ADAMTS20: variants seen among roughly 807,000 people sequenced by gnomAD.
The protein encoded by ADAMTS20 is ADAM metallopeptidase with thrombospondin type 1 motif 20.
A neutral mutation model predicts 260.1 loss-of-function variants in ADAMTS20; 225 were observed. The observed-to-expected ratio is 0.87, with a 90% CI of 0.78 to 0.97. The LOEUF is 0.97. Ranked by LOEUF, ADAMTS20 falls within the 50% of genes least tolerant of loss-of-function variation. The probability of loss-of-function intolerance (pLI) is 0.00; values close to 1 mark genes in which losing one functional copy is unlikely to be tolerated. For missense variants in ADAMTS20, 2,400 were observed against 2,337.7 expected, an observed-to-expected ratio of 1.03 and a Z score of -0.55; for synonymous variants, 802 against 769.5, an observed-to-expected ratio of 1.04 and a Z score of -0.70.
Position 43,376,225 on chromosome 12 carries a change from T to C in ADAMTS20, c.5220+11A>G, listed in dbSNP as rs771925620. 5 of 1,537,446 alleles carry C rather than the reference T, an allele frequency of 3.3e-6. No homozygotes were observed. The highest frequency in any genetic ancestry group is 4.4e-6 in the Non-Finnish European group (5 of 1,139,206). On this transcript the variant is annotated intron_variant, in intron 34 of 38. Transcript: ENST00000389420. ...AATGTTAAAATAAAAAAGGAACTGT[T>C]TTCATAATACCTTTATTATTCTTCC...
At chr12:43,419,875 T>C (rs1166984172) in intron 28 of ADAMTS20, among the ~76,000 whole-genome samples, 1 of 152,176 alleles carries the variant, frequency 6.6e-6, no homozygotes, top group African/African-American at 2.4e-5. Context: ...CTGAACATCA[T>C]ATCTAGGACA....
intron 21 of ADAMTS20, among the ~76,000 whole-genome samples, chr12:43,432,041 C>A (rs1941454660): frequency 6.6e-6 from 1 of 151,954 alleles, no homozygotes; most frequent in Non-Finnish European, 1.5e-5. Context: ...CCACATCCAG[C>A]TAAATTTCAC....
intron 29 of ADAMTS20, among the ~76,000 whole-genome samples, chr12:43,396,829 T>C (rs1433158695): frequency 3.3e-5 from 5 of 152,124 alleles, no homozygotes; most frequent in Non-Finnish European, 7.3e-5. Context: ...GTGTCTCTCA[T>C]GAATACCAAC....
At chr12:43,403,301 A>G (rs942106135) in intron 28 of ADAMTS20, among the ~76,000 whole-genome samples, 2 of 152,116 alleles carry the variant, frequency 1.3e-5, no homozygotes, top group South Asian at 2.1e-4. Context: ...AGTCTTCTTG[A>G]TTAATTCTGG....
At chr12:43,442,746 C>T (rs528007678) in intron 16 of ADAMTS20, among the ~76,000 whole-genome samples, 2 of 152,224 alleles carry the variant, frequency 1.3e-5, no homozygotes, top group African/African-American at 4.8e-5. Flanking sequence ...ATGTAAAAGG[C>T]TAATAAATCA....
At position 43,467,957 on chromosome 12, in the gene ADAMTS20, C is replaced by T. The variant is rs1004410130; in HGVS notation, c.1223+643G>A. Among the ~76,000 whole-genome samples, 4 of 151,958 alleles carry T rather than the reference C, an allele frequency of 2.6e-5. No individual in the cohort carries two copies. The East Asian group carries it at 7.7e-4, about 29-fold the overall frequency. ...GAGTTCTGAGGGGTACATTTAGAAT[C>T]TTTTTTCAGAGGATACATTTGTAGG... is the stretch of plus-strand genomic sequence containing the variant. On this transcript the variant is annotated intron_variant, in intron 8 of 38. Coordinates refer to ENST00000389420, the MANE Select transcript of ADAMTS20 (RefSeq NM_025003.5).
chr12:43,478,762 A>G (rs1420657203), intron 7 of ADAMTS20, among the ~76,000 whole-genome samples: 1 of 152,234 alleles, frequency 6.6e-6, no homozygotes, highest in Non-Finnish European at 1.5e-5. Context: ...GTAACTAGAA[A>G]AATATATTTT....
chr12:43,455,957 T>C (rs1001672063), intron 11 of ADAMTS20, among the ~76,000 whole-genome samples: 19 of 152,160 alleles, frequency 1.2e-4, no homozygotes, highest in Non-Finnish European at 2.6e-4. Context: ...TTAGATATTG[T>C]GAAAAATGCT....
intron 7 of ADAMTS20, among the ~76,000 whole-genome samples, chr12:43,483,871 C>T (rs1175460651): frequency 6.6e-6 from 1 of 152,152 alleles, no homozygotes; most frequent in East Asian, 1.9e-4. Flanking sequence ...GAAGCATGAA[C>T]TATTCAATCC....
At chr12:43,385,724 G>A (rs1940458432) in intron 29 of ADAMTS20, among the ~76,000 whole-genome samples, 1 of 152,124 alleles carries the variant, frequency 6.6e-6, no homozygotes, top group Non-Finnish European at 1.5e-5. Context: ...CCCATTGCTT[G>A]TTTTTGTTAA....
At chr12:43,425,005 GACAAA>G (rs750116083) in intron 28 of ADAMTS20, among the ~76,000 whole-genome samples, 2 of 151,708 alleles carry the variant, frequency 1.3e-5, no homozygotes, top group Non-Finnish European at 2.9e-5. Flanking sequence ...AAGCAAAAGA[GACAAA>G]ACAAAACAAA....
At chr12:43,362,415 G>A (rs921607108) in intron 37 of ADAMTS20, among the ~76,000 whole-genome samples, 4 of 152,146 alleles carry the variant, frequency 2.6e-5, no homozygotes, top group East Asian at 3.9e-4. Context: ...CAATATGGGT[G>A]AAATAGGGAA....
intron 28 of ADAMTS20, among the ~76,000 whole-genome samples, chr12:43,405,689 G>C (rs1407565855): frequency 6.6e-6 from 1 of 151,894 alleles, no homozygotes; most frequent in Non-Finnish European, 1.5e-5. Context: ...ACAAAACTGA[G>C]TAAAAATAAA....
chr12:43,453,854 C>G, intron 12 of ADAMTS20, 53 bp downstream of exon 12: 2 of 1,546,496 alleles, frequency 1.3e-6, no homozygotes, highest in Non-Finnish European at 1.7e-6. Flanking sequence ...CTGATGTTTA[C>G]TTTCTGGTGC....
At chr12:43,406,584 A>G (rs1009662245) in intron 28 of ADAMTS20, among the ~76,000 whole-genome samples, 3 of 152,048 alleles carry the variant, frequency 2.0e-5, no homozygotes, top group African/African-American at 7.2e-5. Context: ...GCATCCCTGT[A>G]TATGTCTTTC....
chr12:43,433,765 A>G lies in ADAMTS20; in HGVS notation c.2720+480T>C, dbSNP rs142693413. ...ACAAACCAAATAACAAGAAATTTAAATTAGAAGTATAAACTTGCTGTCATG... is the reference window on the plus strand; with the variant it reads ...ACAAACCAAATAACAAGAAATTTAAGTTAGAAGTATAAACTTGCTGTCATG... On this transcript the variant is annotated intron_variant, in intron 19 of 38. Coordinates refer to ENST00000389420, the MANE Select transcript of ADAMTS20 (RefSeq NM_025003.5). 225 of 480,048 alleles carry G rather than the reference A, an allele frequency of 4.7e-4. 2 individuals are homozygous for G. The highest frequency in any genetic ancestry group is 4.0e-3 in the African/African-American group (205 of 50,992). The allele number at this position is 480,048 out of a possible 1,614,324, so 29.7% of individuals were successfully genotyped here.
intron 9 of ADAMTS20, 126 bp downstream of exon 9, chr12:43,466,526 T>C: frequency 1.3e-6 from 1 of 773,286 alleles, no homozygotes; most frequent in South Asian, 1.8e-5. Flanking sequence ...CATCCATTTG[T>C]ACAGTGAAAG....
chr12:43,363,405 C>T (rs1346475961), intron 37 of ADAMTS20, among the ~76,000 whole-genome samples: 2 of 152,140 alleles, frequency 1.3e-5, no homozygotes, highest in Non-Finnish European at 1.5e-5. Context: ...ATCAAGCACA[C>T]TAGGCCTGAA....
chr12:43,414,995 A>G (rs1346128292), intron 28 of ADAMTS20, among the ~76,000 whole-genome samples: 1 of 152,180 alleles, frequency 6.6e-6, no homozygotes, highest in African/African-American at 2.4e-5. Context: ...AAGTCATACA[A>G]GTTATATACA....
Sources: allele counts gnomAD v4.1 joint callset (sites outside exome capture counted in the v4.1 genomes callset), GRCh38; gene constraint gnomAD v4.1.1; transcripts MANE v1.5; gene names NCBI Gene and HGNC (gene_info 2026-07-23, HGNC 2026-07-21).